XRCC4: variants seen among roughly 807,000 people sequenced by gnomAD.
XRCC4 encodes the protein X-ray repair cross complementing 4, also known as DNA repair protein XRCC4.
XRCC4 carries 28 observed loss-of-function variants against 39.1 expected under a neutral mutation model. That is an observed-to-expected ratio of 0.72 (90% CI 0.53 to 0.98). The LOEUF (loss-of-function observed/expected upper bound fraction) is 0.98. Ranked by LOEUF, XRCC4 falls within the 50% of genes least tolerant of loss-of-function variation. The probability of loss-of-function intolerance (pLI) is 0.00; values close to 1 mark genes in which losing one functional copy is unlikely to be tolerated. For synonymous variants in XRCC4, 123 were observed against 126.4 expected (o/e 0.97, Z 0.18); for missense variants, 350 against 376.4 (o/e 0.93, Z 0.58).
chr5:83,123,840 CA>C (rs1166970032), intron 3 of XRCC4, among the ~76,000 whole-genome samples: 2 of 152,014 alleles, frequency 1.3e-5, no homozygotes, highest in Non-Finnish European at 2.9e-5. Context: ...TGTGGTCATA[CA>C]TTTTACTTCT....
chr5:83,270,768 A>AAT (rs1554070583), intron 7 of XRCC4, among the ~76,000 whole-genome samples: 2 of 136,798 alleles, frequency 1.5e-5, no homozygotes, highest in South Asian at 2.3e-4. Flanking sequence ...CGAAAAAAAA[A>AAT]ATATATACAT....
intron 3 of XRCC4, among the ~76,000 whole-genome samples, chr5:83,118,138 T>C (rs999315257): frequency 6.6e-6 from 1 of 152,020 alleles, no homozygotes; most frequent in Non-Finnish European, 1.5e-5. Flanking sequence ...GTAGAATTAA[T>C]GCAAAGTCTA....
the XRCC4 span, among the ~76,000 whole-genome samples, chr5:83,362,400 T>C: frequency 6.6e-6 from 1 of 151,986 alleles, no homozygotes; most frequent in East Asian, 1.9e-4. Context: ...ATTGGAATTC[T>C]TCTATAGTGA....
At chr5:83,127,757 A>C (rs1471225156) in intron 3 of XRCC4, among the ~76,000 whole-genome samples, 1 of 151,942 alleles carries the variant, frequency 6.6e-6, no homozygotes, top group Non-Finnish European at 1.5e-5. Context: ...GACTTCATTT[A>C]ATATTCCTTA....
intron 3 of XRCC4, among the ~76,000 whole-genome samples, chr5:83,121,051 T>G (rs1330140807): frequency 6.6e-6 from 1 of 152,224 alleles, no homozygotes; most frequent in Non-Finnish European, 1.5e-5. Context: ...GTACTTCTTT[T>G]TTCGGTCTGG....
At chr5:83,256,214 A>G (rs1009742201) in intron 6 of XRCC4, among the ~76,000 whole-genome samples, 1 of 152,172 alleles carries the variant, frequency 6.6e-6, no homozygotes, top group Non-Finnish European at 1.5e-5. Flanking sequence ...TGCATTCCTG[A>G]TTAGATGCTA....
intron 4 of XRCC4, among the ~76,000 whole-genome samples, chr5:83,199,333 T>G (rs1322665703): frequency 6.6e-6 from 1 of 152,174 alleles, no homozygotes; most frequent in African/African-American, 2.4e-5. Flanking sequence ...TCTTGTTCTC[T>G]TGTCAGAAAG....
chr5:83,100,576 G>GT (rs1745882984), intron 1 of XRCC4, among the ~76,000 whole-genome samples: 1 of 151,906 alleles, frequency 6.6e-6, no homozygotes, highest in Non-Finnish European at 1.5e-5. Context: ...TATATTAATG[G>GT]TAACAATAGC....
chr5:83,255,082 C>T (rs577372640), intron 6 of XRCC4, among the ~76,000 whole-genome samples: 1 of 143,626 alleles, frequency 7.0e-6, no homozygotes, highest in African/African-American at 2.8e-5. Flanking sequence ...AGCAAAATTC[C>T]GTCTCAAAAA....
At chr5:83,356,297 G>A (rs1464859489), downstream of XRCC4, among the ~76,000 whole-genome samples, 1 of 151,844 alleles carries the variant, frequency 6.6e-6, no homozygotes, top group African/African-American at 2.4e-5. Context: ...ACCAAAATTA[G>A]TATACAACTG....
At chr5:83,255,943 A>G (rs371821993) in intron 6 of XRCC4, among the ~76,000 whole-genome samples, 80 of 152,312 alleles carry the variant, frequency 5.3e-4, no homozygotes, top group Non-Finnish European at 5.0e-4. Flanking sequence ...CACCTTGTCC[A>G]TAAAATGATG....
rs28360243 is a variant in XRCC4, at chr5:83,266,778, G to A, written c.893+8101G>A. The stretch of plus-strand genomic sequence containing the variant: ...ATATGTATATGTTACTTTGTAAAAT[G>A]TTATTTTTGTAGTAAATGAAGATAA... On this transcript the variant is annotated intron_variant, in intron 7 of 7. Coordinates refer to ENST00000396027, the MANE Select transcript of XRCC4 (RefSeq NM_003401.5). Among the ~76,000 whole-genome samples the A allele has an allele frequency of 2.9e-3, 435 of 152,102 alleles. 12 individuals are homozygous for A. The East Asian group carries it at 0.072, about 25-fold the overall frequency.
the XRCC4 span, among the ~76,000 whole-genome samples, chr5:83,361,985 T>TGGGAA: frequency 6.6e-6 from 1 of 152,136 alleles, no homozygotes; most frequent in Admixed American, 6.6e-5. Flanking sequence ...ACAATTCCTG[T>TGGGAA]TACCTTCTCA....
chr5:83,229,872 GATC>G (rs1436847737), intron 6 of XRCC4, among the ~76,000 whole-genome samples: 7 of 151,732 alleles, frequency 4.6e-5, no homozygotes, highest in Non-Finnish European at 1.0e-4. Flanking sequence ...ATTTTCAACA[GATC>G]ATGAGATTAT....
chr5:83,316,389 T>C (rs1755883974), intron 7 of XRCC4, among the ~76,000 whole-genome samples: 1 of 151,932 alleles, frequency 6.6e-6, no homozygotes, highest in Non-Finnish European at 1.5e-5. Context: ...AATTCTGCAA[T>C]TAAAAGACAC....
chr5:83,093,540 G>T (rs1745529830), intron 1 of XRCC4, among the ~76,000 whole-genome samples: 1 of 152,128 alleles, frequency 6.6e-6, no homozygotes, highest in African/African-American at 2.4e-5. Flanking sequence ...ATCATTTCTG[G>T]GATAGATTGT....
intron 7 of XRCC4, among the ~76,000 whole-genome samples, chr5:83,285,673 A>C (rs1375018556): frequency 6.6e-6 from 1 of 152,190 alleles, no homozygotes; most frequent in Non-Finnish European, 1.5e-5. Flanking sequence ...CCATGGTGCC[A>C]TATTGTGCAA....
At chr5:83,259,211 A>G (rs1258133458) in intron 7 of XRCC4, 1 of 153,222 alleles carries the variant, frequency 6.5e-6, no homozygotes, top group East Asian at 1.9e-4. Flanking sequence ...CGAAGTTGAA[A>G]CACTTAATAT....
intron 3 of XRCC4, among the ~76,000 whole-genome samples, chr5:83,152,888 C>T (rs1748781556): frequency 6.6e-6 from 1 of 152,060 alleles, no homozygotes; most frequent in Non-Finnish European, 1.5e-5. Context: ...AAAGCCTACC[C>T]ATCCTATTTC....
Sources: allele counts gnomAD v4.1 joint callset (sites outside exome capture counted in the v4.1 genomes callset), GRCh38; gene constraint gnomAD v4.1.1; transcripts MANE v1.5; gene names NCBI Gene and HGNC (gene_info 2026-07-23, HGNC 2026-07-21).